Variants in MACROD2 observed in about 807,000 individuals in gnomAD.
The protein encoded by MACROD2 is mono-ADP ribosylhydrolase 2, also known as ADP-ribose glycohydrolase MACROD2.
Under a neutral mutation model 70.4 loss-of-function variants are expected in MACROD2, and 36 were observed. That is an observed-to-expected ratio of 0.51 (90% CI 0.39 to 0.68). The LOEUF (loss-of-function observed/expected upper bound fraction) is 0.68. Ranked by LOEUF, MACROD2 falls within the 30% of genes least tolerant of loss-of-function variation. The probability of loss-of-function intolerance (pLI) is 0.00; values close to 1 mark genes in which losing one functional copy is unlikely to be tolerated. For synonymous variants in MACROD2, 172 were observed against 178.8 expected (o/e 0.96, Z 0.30); for missense variants, 496 against 538.4 (o/e 0.92, Z 0.78).
chr20:14,117,115 G>A (rs562998268), intron 3 of MACROD2, among the ~76,000 whole-genome samples: 17 of 150,440 alleles, frequency 1.1e-4, no homozygotes, highest in Non-Finnish European at 2.2e-4. Flanking sequence ...TGGCTACATA[G>A]TATATTCTTT....
intron 5 of MACROD2, among the ~76,000 whole-genome samples, chr20:14,929,087 C>T (rs570081669): frequency 6.6e-6 from 1 of 152,130 alleles, no homozygotes; most frequent in African/African-American, 2.4e-5. Context: ...AAACATTTCT[C>T]TACTCTCATA....
intron 5 of MACROD2, among the ~76,000 whole-genome samples, chr20:14,686,115 T>A (rs1305423666): frequency 6.6e-6 from 1 of 152,224 alleles, no homozygotes; most frequent in South Asian, 2.1e-4. Context: ...TGCATAGCGA[T>A]GCTTTGGTCA....
chr20:15,341,511 A>G (rs1206224038), intron 6 of MACROD2, among the ~76,000 whole-genome samples: 1 of 152,228 alleles, frequency 6.6e-6, no homozygotes, highest in Non-Finnish European at 1.5e-5. Context: ...ACTATGGTCA[A>G]AGTATTGCCC....
At chr20:15,046,894 G>T (rs1392070028) in intron 5 of MACROD2, among the ~76,000 whole-genome samples, 4 of 152,162 alleles carry the variant, frequency 2.6e-5, no homozygotes, top group Non-Finnish European at 1.5e-5. Context: ...AATCTGGGCT[G>T]TTGGTCCTGT....
At chr20:15,066,881 C>CG (rs2075580405) in intron 5 of MACROD2, among the ~76,000 whole-genome samples, 2 of 133,836 alleles carry the variant, frequency 1.5e-5, no homozygotes, top group African/African-American at 5.6e-5. Context: ...GACTCTGTCT[C>CG]GAAAAAAAAA....
intron 5 of MACROD2, among the ~76,000 whole-genome samples, chr20:14,794,193 T>C (rs1360590562): frequency 6.6e-6 from 1 of 152,140 alleles, no homozygotes; most frequent in Non-Finnish European, 1.5e-5. Flanking sequence ...TATGATATGT[T>C]CACTTTTGAA....
chr20:14,018,594 T>A (rs2053025256), intron 2 of MACROD2, among the ~76,000 whole-genome samples: 2 of 152,236 alleles, frequency 1.3e-5, no homozygotes, highest in African/African-American at 2.4e-5. Flanking sequence ...TTCAGCTAAA[T>A]TCTGCTTTTG....
At chr20:15,200,240 C>T (rs1432157997) in intron 5 of MACROD2, among the ~76,000 whole-genome samples, 1 of 152,216 alleles carries the variant, frequency 6.6e-6, no homozygotes, top group East Asian at 1.9e-4. Context: ...TGGGAATTCA[C>T]TGGTGACTGA....
At chr20:15,532,033 A>G (rs1049318784) in intron 8 of MACROD2, among the ~76,000 whole-genome samples, 1 of 152,120 alleles carries the variant, frequency 6.6e-6, no homozygotes, top group African/African-American at 2.4e-5. Context: ...TCTTTTTGTA[A>G]TAGACTGGAG....
intron 5 of MACROD2, among the ~76,000 whole-genome samples, chr20:15,015,985 A>G (rs1600950151): frequency 6.6e-6 from 1 of 152,302 alleles, no homozygotes; most frequent in East Asian, 1.9e-4. Flanking sequence ...TTTCTATTTG[A>G]CAGAAACAAA....
intron 8 of MACROD2, among the ~76,000 whole-genome samples, chr20:15,689,238 A>G (rs1436628999): frequency 6.6e-6 from 1 of 151,702 alleles, no homozygotes; most frequent in Non-Finnish European, 1.5e-5. Flanking sequence ...TGGGGGGTGG[A>G]GGTTGCAGTG....
At chr20:14,688,118 AT>A (rs762075879) in intron 5 of MACROD2, among the ~76,000 whole-genome samples, 202 of 152,166 alleles carry the variant, frequency 1.3e-3, no homozygotes, top group Admixed American at 3.9e-3. Context: ...TGTTTGGGTC[AT>A]TTTTCCTCTC....
At chr20:15,283,704 AAAAAG>A (rs1408688600) in intron 6 of MACROD2, among the ~76,000 whole-genome samples, 2 of 150,408 alleles carry the variant, frequency 1.3e-5, no homozygotes, top group African/African-American at 5.0e-5. Flanking sequence ...AACAAAAACA[AAAAAG>A]AAAAAGAAAA....
At chr20:14,908,142 G>A (rs1190909192) in intron 5 of MACROD2, among the ~76,000 whole-genome samples, 3 of 151,960 alleles carry the variant, frequency 2.0e-5, no homozygotes, top group East Asian at 1.9e-4. Context: ...TCAGGAATTC[G>A]AGACCAGTCT....
At chr20:15,451,310 G>T (rs887641637) in intron 7 of MACROD2, among the ~76,000 whole-genome samples, 28 of 147,578 alleles carry the variant, frequency 1.9e-4, no homozygotes, top group African/African-American at 6.5e-4. Context: ...GAAGTACAAA[G>T]CATTTTAAAC....
chr20:15,004,460 A>AT (rs1380607612), intron 5 of MACROD2, among the ~76,000 whole-genome samples: 1 of 152,206 alleles, frequency 6.6e-6, no homozygotes, highest in African/African-American at 2.4e-5. Flanking sequence ...GCATATCATC[A>AT]ATTATACTAA....
rs1051354896 is a variant in MACROD2, at chr20:14,566,953, A to AT, written c.301+73456dup. ...CATAAATTTTGACTCAGCGATTCTA[A>AT]TTTTTTTTTTTGAGGTGGGGTCCTG... On this transcript the variant is annotated intron_variant, in intron 4 of 17. Transcript: ENST00000684519. 6.1e-3 allele frequency: 904 copies of AT among 148,216 alleles called. 11 individuals are homozygous for AT. The highest frequency in any genetic ancestry group is 0.02 in the African/African-American group (805 of 40,708). The allele number at this position is 148,216 out of a possible 1,614,324, so 9.2% of individuals were successfully genotyped here.
At chr20:15,791,072 TC>T (rs2063620605) in intron 8 of MACROD2, among the ~76,000 whole-genome samples, 1 of 151,944 alleles carries the variant, frequency 6.6e-6, no homozygotes, top group Non-Finnish European at 1.5e-5. Flanking sequence ...AACTCACTGA[TC>T]AATTCTACTA....
intron 3 of MACROD2, among the ~76,000 whole-genome samples, chr20:14,310,548 G>A (rs1334882761): frequency 6.6e-6 from 1 of 152,146 alleles, no homozygotes; most frequent in Admixed American, 6.6e-5. Context: ...AGCACATACA[G>A]TTATGTACAG....
Sources: allele counts gnomAD v4.1 joint callset (sites outside exome capture counted in the v4.1 genomes callset), GRCh38; gene constraint gnomAD v4.1.1; transcripts MANE v1.5; gene names NCBI Gene and HGNC (gene_info 2026-07-23, HGNC 2026-07-21).